Variants in PDXK observed in about 807,000 individuals in gnomAD.
PDXK encodes the protein epididymis secretory sperm binding protein Li 1a.
A neutral mutation model predicts 43.2 loss-of-function variants in PDXK; 15 were observed. The observed-to-expected ratio is 0.35, with a 90% CI of 0.23 to 0.53. PDXK has a LOEUF of 0.53. Among genes scored for constraint, PDXK ranks in the 20% least tolerant of loss-of-function variants. The pLI, the probability that PDXK is intolerant of heterozygous loss-of-function variation, is 0.92. For missense variants in PDXK, 343 were observed against 417.0 expected (o/e 0.82, Z 1.54); for synonymous variants, 172 against 165.4 (o/e 1.04, Z -0.31).
chr21:43,733,258 CCCCCCCG>C (rs2083347688), intron 1 of PDXK, among the ~76,000 whole-genome samples: 29 of 111,116 alleles, frequency 2.6e-4, no homozygotes, highest in African/African-American at 1.0e-3. Flanking sequence ...TCCCCACCCC[CCCCCCCG>C]CCCCCCCCGC....
chr21:43,755,775 C>A lies in PDXK; in HGVS notation c.826+11C>A. 6.2e-7 allele frequency: 1 copy of A among 1,611,968 alleles called. No homozygotes were observed. Among genetic ancestry groups the A allele is most frequent in the Non-Finnish European group, 8.5e-7 (1 of 1,178,272 alleles). On this transcript the variant is annotated intron_variant, in intron 10 of 10. Coordinates refer to ENST00000291565, the MANE Select transcript of PDXK (RefSeq NM_003681.5). ...TCCAGTGTGCAAAAGGTACGGCGGC[C>A]GGGCTGCATGGGCTGCGTGGGCTCC...
Position 43,761,212 on chromosome 21 carries a change from C to T in PDXK, c.*5149C>T, listed in dbSNP as rs190346496. 1 of 152,338 alleles carries T rather than the reference C, an allele frequency of 6.6e-6. No homozygotes were observed. The highest frequency in any genetic ancestry group is 2.4e-5 in the African/African-American group (1 of 41,566). 9.4% of individuals were successfully genotyped at this position (152,338 alleles called of 1,614,324 possible). A position where few individuals can be genotyped will look rare whatever the true frequency, so the allele number is the denominator to read the frequency against. On this transcript the variant is annotated 3_prime_UTR_variant, in exon 11 of 11. Coordinates refer to ENST00000291565, the MANE Select transcript of PDXK (RefSeq NM_003681.5). ...TGGGACAAGCTTTGATGGGGGGCCC[C>T]AGCTTCAAGGCTGTGGTGGGAACAG...
intron 2 of PDXK, 86 bp from the exon 3 acceptor site, chr21:43,741,581 A>G (rs1449854900): frequency 3.2e-6 from 5 of 1,571,010 alleles, no homozygotes; most frequent in Admixed American, 1.9e-5. Flanking sequence ...AGGCAGCCTC[A>G]GGGAGAGTGG....
chr21:43,725,859 T>C (rs2083248056), intron 1 of PDXK, among the ~76,000 whole-genome samples: 1 of 152,042 alleles, frequency 6.6e-6, no homozygotes, highest in South Asian at 2.1e-4. Context: ...TGGTGAAAAG[T>C]GTGCCTCCTT....
intron 9 of PDXK, 79 bp downstream of exon 9, chr21:43,753,798 G>T: frequency 6.8e-7 from 1 of 1,475,024 alleles, no homozygotes. Flanking sequence ...GTCCTGGTGG[G>T]GGGTCCCTGC....
chr21:43,736,335 C>T (rs897490195), intron 2 of PDXK, among the ~76,000 whole-genome samples: 2 of 152,206 alleles, frequency 1.3e-5, no homozygotes, highest in Admixed American at 6.5e-5. Flanking sequence ...TCAGGGGCCA[C>T]GTTGTCATGT....
At chr21:43,726,764 C>T (rs369089803) in intron 1 of PDXK, among the ~76,000 whole-genome samples, 8 of 152,166 alleles carry the variant, frequency 5.3e-5, no homozygotes, top group Admixed American at 2.0e-4. Flanking sequence ...TAGCCCACAT[C>T]GGTGCATGTG....
chr21:43,727,027 G>GTCTTTCC (rs2083261361), intron 1 of PDXK, among the ~76,000 whole-genome samples: 1 of 152,204 alleles, frequency 6.6e-6, no homozygotes, highest in Non-Finnish European at 1.5e-5. Flanking sequence ...GCAGGCCCCA[G>GTCTTTCC]TGTTGGCCGG....
chr21:43,740,276 G>A (rs1470698768), intron 2 of PDXK, among the ~76,000 whole-genome samples: 1 of 152,142 alleles, frequency 6.6e-6, no homozygotes, highest in Non-Finnish European at 1.5e-5. Flanking sequence ...ACGCAGGAGG[G>A]CCCTCAGGGG....
chr21:43,738,578 G>A (rs1024518978), intron 2 of PDXK: 2 of 152,268 alleles, frequency 1.3e-5, no homozygotes, highest in African/African-American at 4.8e-5. Context: ...GCATGCTCAG[G>A]GCGAGACCTG....
chr21:43,749,033 A>G lies in PDXK; in HGVS notation c.417A>G (p.Lys139=), dbSNP rs112579284. ...ACCTCCTTCCCGTCTACAAAGAAAA[A>G]GTGGTGCCGCTTGCAGACATTATCA... ...PEDLLPVYKE[K]VVPLADIITP... is the part of the protein sequence containing the mutation. Residue 139 remains lysine, a synonymous_variant, in exon 6 of 11, where the codon AAA becomes AAG. Transcript: ENST00000291565. 647 of 1,612,880 alleles carry G rather than the reference A, an allele frequency of 4.0e-4. 5 individuals carry two copies. The African/African-American group carries it at 7.5e-3, about 19-fold the overall frequency.
At chr21:43,728,594 T>C in intron 1 of PDXK, 1 of 437,726 alleles carries the variant, frequency 2.3e-6, no homozygotes, top group African/African-American at 2.1e-5. Flanking sequence ...ACGTAGTGTC[T>C]GGCTGTCTGC....
At chr21:43,740,779 CTA>C (rs1283615380) in intron 2 of PDXK, among the ~76,000 whole-genome samples, 1 of 151,844 alleles carries the variant, frequency 6.6e-6, no homozygotes, top group Non-Finnish European at 1.5e-5. Context: ...TCATTCACAT[CTA>C]TCTCTTGCTC....
At chr21:43,750,920 ATGTGTG>A in intron 7 of PDXK, among the ~76,000 whole-genome samples, 1 of 100,900 alleles carries the variant, frequency 9.9e-6, no homozygotes, top group Non-Finnish European at 2.1e-5. Context: ...GCATGTGTGC[ATGTGTG>A]TGCGTATGTG....
chr21:43,750,694 G>T, intron 7 of PDXK, 149 bp downstream of exon 7: 2 of 600,416 alleles, frequency 3.3e-6, no homozygotes, highest in South Asian at 4.1e-5. Context: ...AGATCAGCAG[G>T]ATATATGTGT....
rs1219973500 is a variant in PDXK, at chr21:43,735,183, C to T, written c.142+1060C>T. On this transcript the variant is annotated intron_variant, in intron 2 of 10. Coordinates refer to ENST00000291565, the MANE Select transcript of PDXK (RefSeq NM_003681.5). The surrounding 1 kb of genome is among the most constrained non-coding windows in gnomAD (Gnocchi z 5.3). ...GGTGCTGTGAGATTTGGAGACGTCC[C>T]CGAAGACTCAGGCCCTCCAGGAGCC... Among the ~76,000 whole-genome samples the T allele has an allele frequency of 2.6e-5, 4 of 152,210 alleles. No homozygotes were observed. Among genetic ancestry groups the T allele is most frequent in the Non-Finnish European group, 5.9e-5 (4 of 68,032 alleles).
chr21:43,750,902 G>T (rs1484847901), intron 7 of PDXK, among the ~76,000 whole-genome samples: 1 of 145,040 alleles, frequency 6.9e-6, no homozygotes, highest in East Asian at 2.1e-4. Flanking sequence ...GTGGGCATGG[G>T]TGTGCACGCA....
Position 43,737,393 on chromosome 21 carries a change from G to A in PDXK, c.142+3270G>A. On this transcript the variant is annotated intron_variant, in intron 2 of 10. Coordinates refer to ENST00000291565, the MANE Select transcript of PDXK (RefSeq NM_003681.5). The surrounding 1 kb of genome is among the most constrained non-coding windows in gnomAD (Gnocchi z 4.8). ...GTTCATTTTTCCACACCGTGAGCTG[G>A]GCTTGGCAGAGCCTCCACCTTGTGG... The A allele has an allele frequency of 2.6e-6, 3 of 1,175,556 alleles. No individual in the cohort carries two copies. The highest frequency in any genetic ancestry group is 3.2e-6 in the Non-Finnish European group (3 of 944,728). 72.8% of individuals were successfully genotyped at this position (1,175,556 alleles called of 1,614,324 possible). A position where few individuals can be genotyped will look rare whatever the true frequency, so the allele number is the denominator to read the frequency against.
chr21:43,756,418 T>C lies in PDXK; in HGVS notation c.*355T>C. 4.1e-6 allele frequency: 1 copy of C among 244,630 alleles called. No homozygotes were observed. The allele number at this position is 244,630 out of a possible 1,614,324, so 15.2% of individuals were successfully genotyped here. A position where few individuals can be genotyped will look rare whatever the true frequency, so the allele number is the denominator to read the frequency against. On this transcript the variant is annotated 3_prime_UTR_variant, in exon 11 of 11. Coordinates refer to ENST00000291565, the MANE Select transcript of PDXK (RefSeq NM_003681.5). ...GCCTCGAGTGGGCCCTGGCTGCCAC[T>C]ACCGTACAGAGGCCGTGTCGCGCTG...
Sources: allele counts gnomAD v4.1 joint callset (sites outside exome capture counted in the v4.1 genomes callset), GRCh38; gene constraint gnomAD v4.1.1; non-coding constraint Gnocchi (gnomAD v3.1); transcripts MANE v1.5; gene names NCBI Gene and HGNC (gene_info 2026-07-23, HGNC 2026-07-21).